The following NOS1AP variants were observed in gnomAD, a reference collection of about 807,000 sequenced individuals.
NOS1AP encodes the protein nitric oxide synthase 1 adaptor protein.
A neutral mutation model predicts 56.2 loss-of-function variants in NOS1AP; 21 were observed. That is an observed-to-expected ratio of 0.37 (90% CI 0.26 to 0.54). NOS1AP has a LOEUF of 0.54. Among genes scored for constraint, NOS1AP ranks in the 20% least tolerant of loss-of-function variants. NOS1AP has a pLI of 0.84. For missense variants in NOS1AP, 522 were observed against 657.8 expected, an observed-to-expected ratio of 0.79 and a Z score of 2.26; for synonymous variants, 270 against 274.6, an observed-to-expected ratio of 0.98 and a Z score of 0.17.
intron 2 of NOS1AP, among the ~76,000 whole-genome samples, chr1:162,190,216 C>G (rs1476355945): frequency 6.6e-6 from 1 of 152,236 alleles, no homozygotes; most frequent in Non-Finnish European, 1.5e-5. Context: ...TGTTTCATCT[C>G]TGCTCCCCAT....
intron 8 of NOS1AP, chr1:162,365,109 A>T: frequency 7.4e-7 from 1 of 1,360,264 alleles, no homozygotes; most frequent in Non-Finnish European, 9.5e-7. Context: ...TGTGTGTGGC[A>T]GGTCTAGAGG....
intron 4 of NOS1AP, among the ~76,000 whole-genome samples, chr1:162,330,794 A>G (rs1656742652): frequency 1.3e-5 from 2 of 152,348 alleles, no homozygotes; most frequent in Admixed American, 1.3e-4. Context: ...ATCCAGGTGA[A>G]AAATGAGAAC....
chr1:162,082,562 A>G (rs1691918411), intron 1 of NOS1AP, among the ~76,000 whole-genome samples: 1 of 152,218 alleles, frequency 6.6e-6, no homozygotes, highest in Non-Finnish European at 1.5e-5. Context: ...CCAACAGTCT[A>G]TAAGGGTTCC....
Position 162,188,561 on chromosome 1 carries a change from A to G in NOS1AP, c.177+34085A>G, listed in dbSNP as rs189558845. Among the ~76,000 whole-genome samples the G allele has an allele frequency of 2.5e-3, 375 of 152,310 alleles. 1 individual carries two copies. The highest frequency in any genetic ancestry group is 3.9e-3 in the Non-Finnish European group (264 of 68,024). ...ACTCTGGCAAATGTTGAAAGTGCCT[A>G]AATTTTTTCAACATTAGCACAAGAG... On this transcript the variant is annotated intron_variant, in intron 2 of 9. Transcript: ENST00000361897. This position sits in a 1 kb window ranked among gnomAD's most constrained non-coding sequence, Gnocchi z 4.0.
intron 2 of NOS1AP, among the ~76,000 whole-genome samples, chr1:162,236,757 C>G (rs77208724): frequency 1.3e-5 from 2 of 152,060 alleles, no homozygotes; most frequent in African/African-American, 2.4e-5. Context: ...CTCTATAAAT[C>G]GAAACCCATA....
intron 1 of NOS1AP, among the ~76,000 whole-genome samples, chr1:162,093,255 T>C (rs193250083): frequency 2.6e-5 from 4 of 152,324 alleles, no homozygotes; most frequent in Admixed American, 2.0e-4. Flanking sequence ...GAGAATTTTA[T>C]TCATGCAATC....
At chr1:162,104,712 A>G (rs1222690210) in intron 1 of NOS1AP, among the ~76,000 whole-genome samples, 24 of 151,768 alleles carry the variant, frequency 1.6e-4, no homozygotes. Flanking sequence ...GATACTTGTC[A>G]TTGCATTGTG....
At chr1:162,171,614 C>CCT (rs1650786212) in intron 2 of NOS1AP, among the ~76,000 whole-genome samples, 1 of 152,184 alleles carries the variant, frequency 6.6e-6, no homozygotes, top group Admixed American at 6.5e-5. Context: ...CACCCCTGAA[C>CCT]TTGGAGCCTT....
At chr1:162,163,377 AG>A (rs1241301036) in intron 2 of NOS1AP, among the ~76,000 whole-genome samples, 2 of 152,230 alleles carry the variant, frequency 1.3e-5, no homozygotes, top group Non-Finnish European at 2.9e-5. Context: ...ATCAATATAA[AG>A]AGCAGTGCCC....
chr1:162,109,495 G>A (rs1389300340), intron 1 of NOS1AP, among the ~76,000 whole-genome samples: 1 of 152,174 alleles, frequency 6.6e-6, no homozygotes, highest in African/African-American at 2.4e-5. Context: ...GGGCTGATGA[G>A]GAAGCAGGTG....
At chr1:162,115,296 A>G (rs1346311908) in intron 1 of NOS1AP, among the ~76,000 whole-genome samples, 1 of 152,212 alleles carries the variant, frequency 6.6e-6, no homozygotes, top group Non-Finnish European at 1.5e-5. Context: ...ACAGTATACC[A>G]TGACTCTAAA....
chr1:162,139,589 G>T (rs1393867819), intron 1 of NOS1AP, among the ~76,000 whole-genome samples: 1 of 152,200 alleles, frequency 6.6e-6, no homozygotes, highest in East Asian at 1.9e-4. Flanking sequence ...GAGGCCACTG[G>T]TGCAGTGGAA....
chr1:162,294,080 G>GGGAAGCATCTGAGAAAGGC, intron 3 of NOS1AP, among the ~76,000 whole-genome samples: 1 of 152,192 alleles, frequency 6.6e-6, no homozygotes, highest in South Asian at 2.1e-4. Context: ...GGAGAAAAGG[G>GGGAAGCATCTGAGAAAGGC]GGAAGCATCT....
At chr1:162,360,011 C>G (rs562097743) in intron 8 of NOS1AP, among the ~76,000 whole-genome samples, 1 of 141,314 alleles carries the variant, frequency 7.1e-6, no homozygotes, top group East Asian at 2.4e-4. Context: ...TATGTCGTCC[C>G]CCCCCCACCA....
At chr1:162,155,417 G>T (rs1288149775) in intron 2 of NOS1AP, among the ~76,000 whole-genome samples, 1 of 147,548 alleles carries the variant, frequency 6.8e-6, no homozygotes, top group Non-Finnish European at 1.5e-5. Context: ...TATATATATA[G>T]AGCCTATATA....
intron 2 of NOS1AP, among the ~76,000 whole-genome samples, chr1:162,256,690 C>T (rs1272005852): frequency 6.6e-6 from 1 of 152,224 alleles, no homozygotes; most frequent in Non-Finnish European, 1.5e-5. Flanking sequence ...TGTACATTAA[C>T]ACTCAAATGT....
intron 5 of NOS1AP, among the ~76,000 whole-genome samples, chr1:162,340,713 G>C (rs1168995925): frequency 6.6e-6 from 1 of 152,152 alleles, no homozygotes; most frequent in Non-Finnish European, 1.5e-5. Flanking sequence ...TTTCCAGCAT[G>C]GGGAAGGCAG....
At chr1:162,108,247 A>G in intron 1 of NOS1AP, among the ~76,000 whole-genome samples, 1 of 152,212 alleles carries the variant, frequency 6.6e-6, no homozygotes, top group Non-Finnish European at 1.5e-5. Context: ...GCAAGCAGGG[A>G]AACTCTGGAG....
chr1:162,097,489 A>G (rs771491112), intron 1 of NOS1AP, among the ~76,000 whole-genome samples: 25 of 152,044 alleles, frequency 1.6e-4, no homozygotes, highest in African/African-American at 4.8e-5. Flanking sequence ...GTGTTCTTCT[A>G]TATCTTCTAA....
Sources: gnomAD v4.1 joint callset for allele counts (sites outside exome capture counted in the v4.1 genomes callset) on GRCh38, gnomAD v4.1.1 for gene constraint, Gnocchi (gnomAD v3.1) non-coding constraint, MANE v1.5 for transcripts, NCBI Gene and HGNC (gene_info 2026-07-23, HGNC 2026-07-21) for gene names.